The following SIRT3 variants were observed in gnomAD, a reference collection of about 807,000 sequenced individuals.
The protein encoded by SIRT3 is NAD-dependent protein deacetylase sirtuin-3, mitochondrial.
A neutral mutation model predicts 33.5 loss-of-function variants in SIRT3; 26 were observed. The ratio of observed to expected loss-of-function variants is 0.78; its 90% CI spans 0.57 to 1.08. The LOEUF is 1.08. Among genes scored for constraint, SIRT3 ranks in the 50% least tolerant of loss-of-function variants. SIRT3 has a pLI of 0.00. For synonymous variants in SIRT3, 237 were observed against 222.1 expected (o/e 1.07, Z -0.60); for missense variants, 585 against 530.1 (o/e 1.10, Z -1.02).
chr11:219,376 C>T (rs1462716186), intron 5 of SIRT3, among the ~76,000 whole-genome samples: 1 of 152,348 alleles, frequency 6.6e-6, no homozygotes, highest in South Asian at 2.1e-4. Context: ...GTCCTCCCCA[C>T]CTCGCTGTCT....
chr11:235,485 G>C (rs974539959), intron 1 of SIRT3, among the ~76,000 whole-genome samples: 11 of 152,220 alleles, frequency 7.2e-5, no homozygotes, highest in Non-Finnish European at 2.9e-5. Context: ...TATTACAAGT[G>C]TGAGCTACCA....
rs1321123301 is a variant in SIRT3, at chr11:216,633, C to T, written c.*65G>A. On this transcript the variant is annotated 3_prime_UTR_variant, in exon 7 of 7. Coordinates refer to ENST00000382743, the MANE Select transcript of SIRT3 (RefSeq NM_012239.6). ...CCCAAGCTGTCTTCAGGCATGAGGT[C>T]TTGTCAGAATTGGGATGTGGATGTC... is the stretch of plus-strand genomic sequence containing the variant. 2 of 1,588,514 alleles carry T rather than the reference C, an allele frequency of 1.3e-6. No individual in the cohort carries two copies. Among genetic ancestry groups the T allele is most frequent in the African/African-American group, 1.3e-5 (1 of 74,352 alleles).
At chr11:220,120 AG>A (rs1396016017) in intron 5 of SIRT3, among the ~76,000 whole-genome samples, 3 of 152,148 alleles carry the variant, frequency 2.0e-5, no homozygotes, top group African/African-American at 7.2e-5. Flanking sequence ...AGCTGAGGTC[AG>A]GAGTTCAAGA....
At position 224,196 on chromosome 11, in the gene SIRT3, G is replaced by A. The variant is rs773359296; in HGVS notation, c.851C>T (p.Thr284Ile). 17 of 1,614,060 alleles carry A rather than the reference G, an allele frequency of 1.1e-5. No homozygotes were observed. In the South Asian group the frequency reaches 1.3e-4, roughly 13 times the overall value. Reference protein sequence around the residue: ...ADRVPRCPVCTGVVKPDIVFF... With the variant: ...ADRVPRCPVCIGVVKPDIVFF... ...CACAATGTCGGGCTTCACAACGCCGGTGCAGACCGGGCAGCGGGGAACCCT... is the reference window on the plus strand; with the variant it reads ...CACAATGTCGGGCTTCACAACGCCGATGCAGACCGGGCAGCGGGGAACCCT... The change falls in exon 5 of 7, where the codon ACC becomes ATC. Residue 284 changes from threonine to isoleucine, a missense_variant. Physicochemically the swap from Thr to Ile is moderately conservative, Grantham distance 89. Transcript: ENST00000382743.
intron 1 of SIRT3, chr11:233,839 G>A (rs1470787299): frequency 1.2e-5 from 3 of 253,140 alleles, no homozygotes; most frequent in East Asian, 8.6e-5. Context: ...CCTCCAAAGG[G>A]GTCTCCTAAT....
chr11:220,372 T>TA lies in SIRT3; in HGVS notation c.970-1332dup, dbSNP rs1330507449. On this transcript the variant is annotated intron_variant, in intron 5 of 6. Coordinates refer to ENST00000382743, the MANE Select transcript of SIRT3 (RefSeq NM_012239.6). ...AAAAGAAAGAAGTTTATATTAACAT[T>TA]AAAATGTAATTATATTATTTAATTT... Among the ~76,000 whole-genome samples the TA allele has an allele frequency of 2.7e-5, 4 of 149,592 alleles. No individual in the cohort carries two copies. In the East Asian group the frequency reaches 7.7e-4, roughly 29 times the overall value.
intron 6 of SIRT3, among the ~76,000 whole-genome samples, chr11:217,213 G>A (rs1855775066): frequency 6.6e-6 from 1 of 152,228 alleles, no homozygotes; most frequent in South Asian, 2.1e-4. Flanking sequence ...ACTTTGGGAG[G>A]CTGAGGCAGG....
intron 4 of SIRT3, chr11:225,847 GAA>G (rs1202455727): frequency 6.6e-6 from 1 of 152,216 alleles, no homozygotes; most frequent in African/African-American, 2.4e-5. Context: ...CAGCAACCAT[GAA>G]AGACGCCAAC....
intron 1 of SIRT3, among the ~76,000 whole-genome samples, chr11:235,199 T>C (rs1858802936): frequency 1.8e-5 from 1 of 55,146 alleles, no homozygotes; most frequent in Non-Finnish European, 3.3e-5. Flanking sequence ...CTATTAAACT[T>C]TTTTCTTTTT....
chr11:228,761 C>G (rs1857500843), intron 4 of SIRT3, among the ~76,000 whole-genome samples: 1 of 150,550 alleles, frequency 6.6e-6, no homozygotes. Context: ...ATCAAAACTT[C>G]TATGCATCAA....
intron 3 of SIRT3, among the ~76,000 whole-genome samples, 195 bp downstream of exon 3, chr11:232,788 T>C (rs1858254197): frequency 6.6e-6 from 1 of 152,180 alleles, no homozygotes; most frequent in African/African-American, 2.4e-5. Flanking sequence ...GACATTTTCC[T>C]TGGGAACAAA....
At chr11:227,803 A>G (rs1857381184) in intron 4 of SIRT3, among the ~76,000 whole-genome samples, 1 of 151,998 alleles carries the variant, frequency 6.6e-6, no homozygotes, top group African/African-American at 2.4e-5. Context: ...TTGTATTTTT[A>G]GTAGAGATGG....
At chr11:217,011 T>G (rs547749) in intron 6 of SIRT3, among the ~76,000 whole-genome samples, 8,134 of 152,306 alleles carry the variant, frequency 0.053, 650 homozygotes, top group African/African-American at 0.17. Context: ...ACCCCTTGGA[T>G]AGTAATGCTG....
chr11:227,888 C>T (rs1000606867), intron 4 of SIRT3, among the ~76,000 whole-genome samples: 1 of 152,192 alleles, frequency 6.6e-6, no homozygotes, highest in East Asian at 1.9e-4. Flanking sequence ...TCCCAAAGTG[C>T]TGGAATTACA....
chr11:234,173 C>A (rs4980326), intron 1 of SIRT3, among the ~76,000 whole-genome samples: 23,776 of 152,176 alleles, frequency 0.16, 2,347 homozygotes, highest in Middle Eastern at 0.22. Context: ...CTGGAACATA[C>A]GTAAGATGTA....
intron 5 of SIRT3, among the ~76,000 whole-genome samples, chr11:222,066 T>C (rs1341870915): frequency 1.3e-5 from 2 of 152,186 alleles, no homozygotes; most frequent in African/African-American, 2.4e-5. Context: ...ACAATAAAGA[T>C]GGCTGGTGGC....
At chr11:235,936 G>A in intron 1 of SIRT3, 112 bp downstream of exon 1, 1 of 1,226,844 alleles carries the variant, frequency 8.2e-7, no homozygotes, top group South Asian at 1.7e-5. Context: ...CCCGGTGTTG[G>A]AACGCACGTA....
chr11:223,564 T>C lies in SIRT3; in HGVS notation c.969+514A>G, dbSNP rs750985451. ...ATTTATCACTCCTCCCACTGCAGCATCAGTATTCCTGATCTGACCTGGGAG... is the reference window on the plus strand; with the variant it reads ...ATTTATCACTCCTCCCACTGCAGCACCAGTATTCCTGATCTGACCTGGGAG... On this transcript the variant is annotated intron_variant, in intron 5 of 6. Transcript: ENST00000382743. The surrounding 1 kb of genome is among the most constrained non-coding windows in gnomAD (Gnocchi z 4.8). 9 of 402,206 alleles carry C rather than the reference T, an allele frequency of 2.2e-5. No individual in the cohort carries two copies. Among genetic ancestry groups the C allele is most frequent in the Non-Finnish European group, 3.8e-5 (8 of 210,872 alleles). 24.9% of individuals were successfully genotyped at this position (402,206 alleles called of 1,614,324 possible).
chr11:220,682 G>C (rs2133814530), intron 5 of SIRT3, among the ~76,000 whole-genome samples: 1 of 152,324 alleles, frequency 6.6e-6, no homozygotes, highest in Non-Finnish European at 1.5e-5. Flanking sequence ...ACATCTTTCT[G>C]GAAGGCAAGT....
Sources: gnomAD v4.1 joint callset for allele counts (sites outside exome capture counted in the v4.1 genomes callset) on GRCh38, gnomAD v4.1.1 for gene constraint, Gnocchi (gnomAD v3.1) non-coding constraint, MANE v1.5 for transcripts, NCBI Gene and HGNC (gene_info 2026-07-23, HGNC 2026-07-21) for gene names.